CCDC178: variants seen among roughly 807,000 people sequenced by gnomAD.
CCDC178 encodes the protein coiled-coil domain-containing protein 178.
Under a neutral mutation model 117.4 loss-of-function variants are expected in CCDC178, and 126 were observed. The observed-to-expected ratio is 1.07, with a 90% CI of 0.93 to 1.24. CCDC178 has a LOEUF of 1.24. CCDC178 is among the 50% of genes most tolerant of loss of function. CCDC178 has a pLI of 0.00. For synonymous variants in CCDC178, 283 were observed against 313.4 expected (o/e 0.90, Z 1.02); for missense variants, 1,030 against 986.9 (o/e 1.04, Z -0.59).
chr18:33,235,946 A>C (rs1181052585), intron 15 of CCDC178, among the ~76,000 whole-genome samples: 1 of 152,212 alleles, frequency 6.6e-6, no homozygotes, highest in Non-Finnish European at 1.5e-5. Flanking sequence ...TGGAATTGAA[A>C]ATATGGAAAA....
At chr18:33,394,943 G>GTATATATATATATATATA (rs61298209) in intron 4 of CCDC178, among the ~76,000 whole-genome samples, 12 of 61,504 alleles carry the variant, frequency 2.0e-4, no homozygotes, top group East Asian at 4.9e-4. Context: ...ATATGTATGT[G>GTATATATATATATATATA]TATATATATA....
intron 9 of CCDC178, among the ~76,000 whole-genome samples, chr18:33,337,107 C>T (rs2062751002): frequency 6.8e-6 from 1 of 146,002 alleles, no homozygotes; most frequent in Non-Finnish European, 1.5e-5. Flanking sequence ...TTGCAGAGGT[C>T]TTTCACATCC....
chr18:32,958,456 T>A (rs957167085), intron 22 of CCDC178, among the ~76,000 whole-genome samples: 4 of 152,214 alleles, frequency 2.6e-5, no homozygotes, highest in Admixed American at 2.6e-4. Flanking sequence ...GATGTGTTTA[T>A]AAGCTATGAT....
intron 21 of CCDC178, among the ~76,000 whole-genome samples, chr18:33,038,565 G>T (rs1032158099): frequency 6.6e-6 from 1 of 152,020 alleles, no homozygotes; most frequent in African/African-American, 2.4e-5. Flanking sequence ...AACTTAGAAT[G>T]TCATGTTCTT....
chr18:33,359,670 C>T (rs1031033488), intron 6 of CCDC178, among the ~76,000 whole-genome samples: 8 of 151,482 alleles, frequency 5.3e-5, no homozygotes, highest in African/African-American at 1.7e-4. Context: ...GTAGATGCTT[C>T]GATGAAAATA....
intron 20 of CCDC178, among the ~76,000 whole-genome samples, chr18:33,168,627 G>A (rs1289254592): frequency 6.6e-6 from 1 of 152,134 alleles, no homozygotes; most frequent in African/African-American, 2.4e-5. Flanking sequence ...AAAACTAAGA[G>A]CATTTGAAGT....
chr18:33,007,594 C>T (rs976602162), intron 21 of CCDC178, among the ~76,000 whole-genome samples: 2 of 152,028 alleles, frequency 1.3e-5, no homozygotes, highest in African/African-American at 2.4e-5. Flanking sequence ...TCCCCTCTAA[C>T]GACTCAAATT....
intron 21 of CCDC178, among the ~76,000 whole-genome samples, chr18:33,081,205 T>C (rs1452073186): frequency 6.6e-6 from 1 of 152,206 alleles, no homozygotes; most frequent in Non-Finnish European, 1.5e-5. Flanking sequence ...ATAGTTTGCA[T>C]AGTGACTATT....
At chr18:33,304,340 G>A (rs1318481560) in intron 11 of CCDC178, among the ~76,000 whole-genome samples, 1 of 152,148 alleles carries the variant, frequency 6.6e-6, no homozygotes, top group Non-Finnish European at 1.5e-5. Context: ...TGGGTGGACT[G>A]AAACTTATGT....
At chr18:33,215,066 C>T (rs1026168157) in intron 19 of CCDC178, among the ~76,000 whole-genome samples, 10 of 151,914 alleles carry the variant, frequency 6.6e-5, no homozygotes, top group Non-Finnish European at 1.3e-4. Flanking sequence ...TCAGGACTTA[C>T]TAACCCTGAA....
At chr18:33,133,634 C>T (rs1309126444) in intron 20 of CCDC178, among the ~76,000 whole-genome samples, 1 of 151,784 alleles carries the variant, frequency 6.6e-6, no homozygotes, top group African/African-American at 2.4e-5. Context: ...GCCCAAATTG[C>T]CCAGTAAACT....
At chr18:33,319,663 G>T (rs1411217990) in intron 11 of CCDC178, among the ~76,000 whole-genome samples, 1 of 152,198 alleles carries the variant, frequency 6.6e-6, no homozygotes, top group African/African-American at 2.4e-5. Flanking sequence ...CACCAACAGT[G>T]TAAAAGTGTT....
chr18:33,356,422 G>A, intron 6 of CCDC178, 76 bp from the exon 7 acceptor site: 5 of 1,293,444 alleles, frequency 3.9e-6, no homozygotes, highest in Non-Finnish European at 4.2e-6. Flanking sequence ...ACTTAAACTT[G>A]TCAATTCTCT....
chr18:33,066,118 C>T (rs2057011548), intron 21 of CCDC178, among the ~76,000 whole-genome samples: 1 of 152,088 alleles, frequency 6.6e-6, no homozygotes, highest in Admixed American at 6.5e-5. Context: ...GCCTCGGCCT[C>T]CCAAAGTGCT....
intron 5 of CCDC178, among the ~76,000 whole-genome samples, chr18:33,378,311 T>C (rs1183819953): frequency 6.6e-6 from 1 of 152,240 alleles, no homozygotes; most frequent in African/African-American, 2.4e-5. Context: ...GAAATTTTAC[T>C]GCTTATGAGT....
At chr18:33,413,283 G>C (rs1448458607) in intron 2 of CCDC178, among the ~76,000 whole-genome samples, 1 of 152,062 alleles carries the variant, frequency 6.6e-6, no homozygotes, top group Non-Finnish European at 1.5e-5. Context: ...CAAGCCTAGT[G>C]CTCTTCCAAA....
intron 15 of CCDC178, among the ~76,000 whole-genome samples, chr18:33,235,408 C>T (rs1476273058): frequency 2.0e-5 from 3 of 152,126 alleles, no homozygotes; most frequent in Non-Finnish European, 4.4e-5. Context: ...TCCCTAAACT[C>T]TACACAGTCA....
chr18:33,413,272 C>T (rs1385545151), intron 2 of CCDC178, among the ~76,000 whole-genome samples: 2 of 152,014 alleles, frequency 1.3e-5, no homozygotes, highest in Non-Finnish European at 2.9e-5. Context: ...AACCCTAAAT[C>T]CAAGCCTAGT....
At chr18:33,420,467 C>T (rs954583086) in intron 2 of CCDC178, among the ~76,000 whole-genome samples, 2 of 152,154 alleles carry the variant, frequency 1.3e-5, no homozygotes, top group African/African-American at 2.4e-5. Flanking sequence ...GATTCTCATG[C>T]CTCAGCTTCC....
Sources: gnomAD v4.1 joint callset for allele counts (sites outside exome capture counted in the v4.1 genomes callset) on GRCh38, gnomAD v4.1.1 for gene constraint, MANE v1.5 for transcripts, NCBI Gene and HGNC (gene_info 2026-07-23, HGNC 2026-07-21) for gene names.